DLEC1: variants seen among roughly 807,000 people sequenced by gnomAD.
DLEC1 encodes deleted in lung and esophageal cancer protein 1.
A neutral mutation model predicts 198.1 loss-of-function variants in DLEC1; 146 were observed. That is an observed-to-expected ratio of 0.74 (90% CI 0.64 to 0.85). The LOEUF is 0.85. Ranked by LOEUF, DLEC1 falls within the 40% of genes least tolerant of loss-of-function variation. DLEC1 has a pLI of 0.00. For synonymous variants in DLEC1, 897 were observed against 866.8 expected, an observed-to-expected ratio of 1.03 and a Z score of -0.61; for missense variants, 2,233 against 2,220.0, an observed-to-expected ratio of 1.01 and a Z score of -0.12.
At chr3:38,043,617 T>C (rs1279809066) in intron 1 of DLEC1, among the ~76,000 whole-genome samples, 1 of 152,244 alleles carries the variant, frequency 6.6e-6, no homozygotes, top group African/African-American at 2.4e-5. Context: ...GCCAGGCCCC[T>C]CCTGCTAAAC....
intron 3 of DLEC1, 84 bp downstream of exon 3, chr3:38,059,936 C>T (rs2125607443): frequency 9.0e-7 from 1 of 1,110,664 alleles, no homozygotes; most frequent in East Asian, 2.4e-5. Flanking sequence ...GCTGCCATTT[C>T]CTTGCTCAGA....
intron 6 of DLEC1, among the ~76,000 whole-genome samples, chr3:38,068,885 T>G (rs1192576578): frequency 6.6e-6 from 1 of 152,280 alleles, no homozygotes; most frequent in Non-Finnish European, 1.5e-5. Flanking sequence ...CTTAGTAACT[T>G]GAATATAACA....
intron 8 of DLEC1, 32 bp downstream of exon 8, chr3:38,085,479 A>G (rs1698404950): frequency 6.2e-7 from 1 of 1,610,736 alleles, no homozygotes; most frequent in East Asian, 2.2e-5. Flanking sequence ...CCACAGATTC[A>G]GTTAAGGTTG....
chr3:38,119,547 C>CT lies in DLEC1; in HGVS notation c.4705-890dup, dbSNP rs572131372. Among the ~76,000 whole-genome samples the CT allele has an allele frequency of 3.1e-3, 448 of 146,324 alleles. 3 individuals carry two copies. Among genetic ancestry groups the CT allele is most frequent in the African/African-American group, 8.4e-3 (337 of 40,074 alleles). ...CTAAGCCTGGCAATAGATCAGTGGC[C>CT]TTTTTTTTTTTAGATTGGGTCTTGC... On this transcript the variant is annotated intron_variant, in intron 33 of 36. Transcript: ENST00000308059.
chr3:38,120,462 C>T lies in DLEC1; in HGVS notation c.4719C>T (p.Phe1573=), dbSNP rs1385171764. 1 of 1,614,198 alleles carries T rather than the reference C, an allele frequency of 6.2e-7. No homozygotes were observed. Among genetic ancestry groups the T allele is most frequent in the Middle Eastern group, 1.6e-4 (1 of 6,062 alleles). ...AQENMLVNVS[F]SLSLELLSYQ... is the part of the protein sequence containing the mutation. ...CATCTGCTCAGGTGAACGTGTCCTT[C>T]TCACTCTCCCTGGAGCTGCTCTCCT... is the stretch of plus-strand genomic sequence containing the variant. Residue 1573 remains phenylalanine, a synonymous_variant, in exon 34 of 37, where the codon TTC becomes TTT. Coordinates refer to ENST00000308059, the MANE Select transcript of DLEC1 (RefSeq NM_007335.4).
intron 19 of DLEC1, among the ~76,000 whole-genome samples, chr3:38,105,649 TTG>T (rs1162689626): frequency 6.6e-6 from 1 of 152,142 alleles, no homozygotes; most frequent in Non-Finnish European, 1.5e-5. Flanking sequence ...TTGAAACTAT[TTG>T]TGTCTTTGAA....
rs766745203 is a variant in DLEC1 at position 38,045,577 on chromosome 3, T to C, written c.446T>C (p.Phe149Ser). Reference protein sequence around the residue: ...RELYKQRLDEFEMLERHITQA... With the variant: ...RELYKQRLDESEMLERHITQA... Reference sequence around the variant, plus strand: ...CTCTATAAGCAGCGGCTGGATGAGTTTGAAATGTTGGAGAGACATATCACT... The same window carrying C: ...CTCTATAAGCAGCGGCTGGATGAGTCTGAAATGTTGGAGAGACATATCACT... The change falls in exon 2 of 37, where the codon TTT (phenylalanine) becomes TCT (serine). Residue 149 changes from phenylalanine to serine, a missense_variant. Physicochemically the swap from Phe to Ser is radical, Grantham distance 155 (BLOSUM62 -2). Transcript: ENST00000308059. The C allele has an allele frequency of 8.1e-6, 13 of 1,613,830 alleles. No individual in the cohort carries two copies. The African/African-American group carries it at 1.3e-4, about 17-fold the overall frequency.
Position 38,123,333 on chromosome 3 carries a change from G to A in DLEC1, c.*921G>A. 3.5e-6 allele frequency: 2 copies of A among 573,270 alleles called. No homozygotes were observed. The highest frequency in any genetic ancestry group is 6.3e-6 in the Non-Finnish European group (2 of 319,312). The allele number at this position is 573,270 out of a possible 1,614,324, so 35.5% of individuals were successfully genotyped here. ...ATCCCTTTCAAGGCTGGCCCTTAAG[G>A]AAAACAGGGATCATGCCCCTACATC... On this transcript the variant is annotated 3_prime_UTR_variant, in exon 37 of 37. Transcript: ENST00000308059.
Position 38,112,757 on chromosome 3 carries a change from C to T in DLEC1, c.3666+396C>T, listed in dbSNP as rs1203841746. Among the ~76,000 whole-genome samples, 1 of 152,142 alleles carries T rather than the reference C, an allele frequency of 6.6e-6. No homozygotes were observed. Among genetic ancestry groups the T allele is most frequent in the East Asian group, 1.9e-4 (1 of 5,180 alleles). ...TGCCCCGCCCTTGGTGGGGCTCACC[C>T]AGGGGTCCATTTAATTGCTCCAGCA... is the stretch of plus-strand genomic sequence containing the variant. On this transcript the variant is annotated intron_variant, in intron 25 of 36. Transcript: ENST00000308059. This position sits in a 1 kb window ranked among gnomAD's most constrained non-coding sequence, Gnocchi z 4.8.
At chr3:38,084,619 A>AGTGGTGGTGGTAGTAGTGGTG (rs1164137787) in intron 7 of DLEC1, among the ~76,000 whole-genome samples, 2 of 74,556 alleles carry the variant, frequency 2.7e-5, no homozygotes, top group Non-Finnish European at 5.8e-5. Context: ...CAGTAGCAGT[A>AGTGGTGGTGGTAGTAGTGGTG]CTGCTACTAC....
intron 6 of DLEC1, among the ~76,000 whole-genome samples, chr3:38,083,637 T>G (rs1049421523): frequency 3.3e-5 from 5 of 152,122 alleles, no homozygotes; most frequent in Non-Finnish European, 7.3e-5. Flanking sequence ...TTTCACTTCT[T>G]TTGTGATTCT....
chr3:38,053,687 G>T (rs1226190122), intron 2 of DLEC1, among the ~76,000 whole-genome samples: 1 of 149,620 alleles, frequency 6.7e-6, no homozygotes, highest in East Asian at 2.0e-4. Flanking sequence ...CACCCCGTCT[G>T]GGAGGTGTAC....
At chr3:38,043,176 A>G (rs1050156594) in intron 1 of DLEC1, among the ~76,000 whole-genome samples, 31 of 152,204 alleles carry the variant, frequency 2.0e-4, no homozygotes, top group African/African-American at 6.3e-4. Context: ...TACCATCTAT[A>G]GGACCTTGGG....
chr3:38,069,191 T>C (rs1434593511), intron 6 of DLEC1, among the ~76,000 whole-genome samples: 1 of 152,138 alleles, frequency 6.6e-6, no homozygotes, highest in Admixed American at 6.5e-5. Context: ...TGTCGAACTC[T>C]GACTCTTTAA....
chr3:38,104,405 C>T (rs1013538611), intron 19 of DLEC1, among the ~76,000 whole-genome samples: 6 of 152,152 alleles, frequency 3.9e-5, no homozygotes, highest in Non-Finnish European at 7.4e-5. Flanking sequence ...TGCAGTGAGC[C>T]GAGATTGTGC....
intron 34 of DLEC1, among the ~76,000 whole-genome samples, chr3:38,121,043 T>C (rs1449534203): frequency 6.6e-6 from 1 of 152,004 alleles, no homozygotes; most frequent in East Asian, 1.9e-4. Flanking sequence ...CAGGCCGTAG[T>C]GTGGAGGCTA....
chr3:38,062,514 G>A, intron 4 of DLEC1, 67 bp from the exon 5 acceptor site: 2 of 1,590,192 alleles, frequency 1.3e-6, no homozygotes, highest in South Asian at 2.2e-5. Flanking sequence ...TCATGCAGTT[G>A]GTCAAGATGT....
intron 2 of DLEC1, among the ~76,000 whole-genome samples, chr3:38,056,114 C>T (rs888706386): frequency 1.2e-4 from 13 of 109,460 alleles, no homozygotes; most frequent in African/African-American, 4.2e-5. Flanking sequence ...CACACACACA[C>T]ACAAATAGCT....
At position 38,062,213 on chromosome 3, in the gene DLEC1, A is replaced by G. The variant is rs1472968810; in HGVS notation, c.718A>G (p.Lys240Glu). Residue 240 changes from lysine (K) to glutamate (E), a missense_variant, in exon 4 of 37, where the codon AAG becomes GAG. By Grantham distance (56) the Lys-to-Glu change is moderately conservative (BLOSUM62 1). Transcript: ENST00000308059. ...GCSKLTFSCE[K>E]RSVQKKELNK... ...TTCAAAACTGACATTTAGCTGTGAGAAGCGTTCCGTCCAGAAGAAAGAGCT... is the reference window on the plus strand; with the variant it reads ...TTCAAAACTGACATTTAGCTGTGAGGAGCGTTCCGTCCAGAAGAAAGAGCT... The G allele has an allele frequency of 1.2e-6, 2 of 1,614,132 alleles. No homozygotes were observed. The highest frequency in any genetic ancestry group is 3.3e-5 in the Admixed American group (2 of 60,008).
Sources: gnomAD v4.1 joint callset for allele counts (sites outside exome capture counted in the v4.1 genomes callset) on GRCh38, gnomAD v4.1.1 for gene constraint, Gnocchi (gnomAD v3.1) non-coding constraint, MANE v1.5 for transcripts, NCBI Gene and HGNC (gene_info 2026-07-23, HGNC 2026-07-21) for gene names.